Variants in GPATCH2 observed in about 807,000 individuals in gnomAD.
GPATCH2 encodes G patch domain-containing protein 2.
A neutral mutation model predicts 58.0 loss-of-function variants in GPATCH2; 51 were observed. That is an observed-to-expected ratio of 0.88 (90% CI 0.70 to 1.11). The LOEUF (loss-of-function observed/expected upper bound fraction) is 1.11, where lower values mean the gene tolerates loss of function less well. Among genes scored for constraint, GPATCH2 ranks in the 50% most tolerant of loss-of-function variants. The pLI is 0.00. For synonymous variants in GPATCH2, 222 were observed against 218.5 expected (o/e 1.02, Z -0.14); for missense variants, 625 against 652.2 (o/e 0.96, Z 0.45).
chr1:217,462,354 A>T (rs1387532917), intron 8 of GPATCH2, among the ~76,000 whole-genome samples: 12 of 152,204 alleles, frequency 7.9e-5, no homozygotes. Context: ...GTTAGTCATG[A>T]TTGCAAAATG....
chr1:217,531,097 C>T (rs758236163), intron 5 of GPATCH2, among the ~76,000 whole-genome samples: 129 of 151,574 alleles, frequency 8.5e-4, no homozygotes, highest in Non-Finnish European at 9.6e-4. Flanking sequence ...TACAAAATAA[C>T]GATGCAGAAC....
In GPATCH2 at chr1:217,554,346, C is replaced by T. The variant is rs190771007; in HGVS notation, c.1099-39457G>A. Among the ~76,000 whole-genome samples the T allele has an allele frequency of 1.6e-3, 240 of 152,270 alleles. 1 individual carries two copies. Among genetic ancestry groups the T allele is most frequent in the Non-Finnish European group, 2.2e-3 (153 of 68,026 alleles). ...CTAGGGCAACCTCATCCTCACTGAG[C>T]TCTGAAAGTCACAGCAGCATGTAGT... On this transcript the variant is annotated intron_variant, in intron 5 of 9. Transcript: ENST00000366935.
intron 8 of GPATCH2, among the ~76,000 whole-genome samples, chr1:217,468,308 A>C (rs1660554256): frequency 6.6e-6 from 1 of 152,182 alleles, no homozygotes; most frequent in Non-Finnish European, 1.5e-5. Context: ...CCTTTGGAAC[A>C]ATCTTGCCAA....
intron 5 of GPATCH2, among the ~76,000 whole-genome samples, chr1:217,542,648 AT>A (rs1425597010): frequency 6.6e-6 from 1 of 152,204 alleles, no homozygotes; most frequent in Non-Finnish European, 1.5e-5. Context: ...TGGATTCAAC[AT>A]TTTAGTTCTC....
chr1:217,629,382 G>A (rs1045555885), intron 1 of GPATCH2, among the ~76,000 whole-genome samples: 6 of 152,118 alleles, frequency 3.9e-5, no homozygotes, highest in African/African-American at 9.6e-5. Flanking sequence ...ATGGTGAGTT[G>A]TATGACAAGC....
At chr1:217,487,886 G>A (rs901272880) in intron 8 of GPATCH2, among the ~76,000 whole-genome samples, 5 of 152,052 alleles carry the variant, frequency 3.3e-5, no homozygotes, top group East Asian at 1.9e-4. Flanking sequence ...GGGATTACAG[G>A]AGCACACCAC....
At chr1:217,450,998 G>C (rs1659640474) in intron 8 of GPATCH2, among the ~76,000 whole-genome samples, 1 of 152,104 alleles carries the variant, frequency 6.6e-6, no homozygotes, top group African/African-American at 2.4e-5. Flanking sequence ...TGGGGAGGGG[G>C]AAAAGAGAAG....
Position 217,603,612 on chromosome 1 carries a change from T to G in GPATCH2, c.1098+6709A>C, listed in dbSNP as rs147354561. Among the ~76,000 whole-genome samples the G allele has an allele frequency of 4.1e-3, 624 of 152,088 alleles. 5 individuals carry two copies. Among genetic ancestry groups the G allele is most frequent in the African/African-American group, 0.014 (584 of 41,502 alleles). On this transcript the variant is annotated intron_variant, in intron 5 of 9. Transcript: ENST00000366935. ...AATGACATCAAAATAGAGAATTTAT[T>G]TATTTATTTATTTATTTTTACTTTT...
chr1:217,550,300 C>T (rs995621488), intron 5 of GPATCH2, among the ~76,000 whole-genome samples: 2 of 151,936 alleles, frequency 1.3e-5, no homozygotes, highest in African/African-American at 4.8e-5. Flanking sequence ...ATAGTAAGTG[C>T]CCAATAAAAG....
intron 5 of GPATCH2, among the ~76,000 whole-genome samples, chr1:217,516,036 A>C (rs1663127595): frequency 6.6e-6 from 1 of 151,490 alleles, no homozygotes; most frequent in African/African-American, 2.4e-5. Context: ...AAATATTTTC[A>C]CTCCTTTATT....
chr1:217,561,306 T>G (rs11805706), intron 5 of GPATCH2, among the ~76,000 whole-genome samples: 3,194 of 152,280 alleles, frequency 0.021, 121 homozygotes, highest in African/African-American at 0.073. Flanking sequence ...ACCATTGCTT[T>G]GCTGACAGGA....
intron 5 of GPATCH2, among the ~76,000 whole-genome samples, chr1:217,549,084 A>C (rs1488413188): frequency 2.0e-5 from 3 of 152,050 alleles, no homozygotes; most frequent in Non-Finnish European, 1.5e-5. Context: ...CTCCTTCTAT[A>C]CAGCTTTGTC....
intron 4 of GPATCH2, 33 bp downstream of exon 4, chr1:217,610,856 C>T: frequency 6.8e-7 from 1 of 1,469,498 alleles, no homozygotes; most frequent in East Asian, 2.3e-5. Context: ...ACCTTAAACC[C>T]ATTATATCTA....
At chr1:217,504,180 CA>C (rs1310712513) in intron 6 of GPATCH2, among the ~76,000 whole-genome samples, 4 of 151,866 alleles carry the variant, frequency 2.6e-5, no homozygotes, top group Non-Finnish European at 5.9e-5. Context: ...CCTCAAACAA[CA>C]AAAAAAGTTT....
intron 8 of GPATCH2, among the ~76,000 whole-genome samples, chr1:217,456,334 C>T (rs926464585): frequency 6.6e-6 from 1 of 152,164 alleles, no homozygotes; most frequent in Non-Finnish European, 1.5e-5. Flanking sequence ...CTGGGTGTTC[C>T]ACCTCCTGTT....
chr1:217,552,400 G>A (rs1389296588), intron 5 of GPATCH2, among the ~76,000 whole-genome samples: 1 of 152,080 alleles, frequency 6.6e-6, no homozygotes, highest in Non-Finnish European at 1.5e-5. Context: ...CCTAGTTAAA[G>A]GGGTATGTGG....
intron 8 of GPATCH2, among the ~76,000 whole-genome samples, chr1:217,458,770 G>A (rs1186713137): frequency 2.6e-5 from 4 of 151,950 alleles, no homozygotes; most frequent in Non-Finnish European, 5.9e-5. Context: ...TCCTCTTAGC[G>A]CCCTCAAGTC....
intron 6 of GPATCH2, among the ~76,000 whole-genome samples, chr1:217,501,228 T>C (rs896352924): frequency 1.3e-5 from 2 of 152,156 alleles, no homozygotes; most frequent in African/African-American, 2.4e-5. Context: ...GCTTTTAAAC[T>C]CAGCAAAATT....
At chr1:217,435,882 C>A (rs1339898578) in intron 9 of GPATCH2, among the ~76,000 whole-genome samples, 1 of 152,154 alleles carries the variant, frequency 6.6e-6, no homozygotes, top group East Asian at 1.9e-4. Flanking sequence ...AAATGCTTCA[C>A]TAATTCAGAC....
Sources: allele counts gnomAD v4.1 joint callset (sites outside exome capture counted in the v4.1 genomes callset), GRCh38; gene constraint gnomAD v4.1.1; transcripts MANE v1.5; gene names NCBI Gene and HGNC (gene_info 2026-07-23, HGNC 2026-07-21).